CAPN11: variants seen among roughly 807,000 people sequenced by gnomAD.
The protein encoded by CAPN11 is calpain-11.
Under a neutral mutation model 105.3 loss-of-function variants are expected in CAPN11, and 108 were observed. That is an observed-to-expected ratio of 1.03 (90% CI 0.88 to 1.20). CAPN11 has a LOEUF of 1.20. Among genes scored for constraint, CAPN11 ranks in the 50% most tolerant of loss-of-function variants. The pLI is 0.00. For missense variants in CAPN11, 883 were observed against 924.8 expected (o/e 0.95, Z 0.59); for synonymous variants, 329 against 344.5 (o/e 0.96, Z 0.50).
At chr6:44,183,626 T>G in intron 21 of CAPN11, 79 bp from the exon 22 acceptor site, 1 of 1,367,240 alleles carries the variant, frequency 7.3e-7, no homozygotes, top group South Asian at 1.2e-5. Context: ...TGTCGCCCCT[T>G]CCTACCTAGT....
At chr6:44,176,369 T>C in intron 9 of CAPN11, 31 bp downstream of exon 9, 3 of 1,590,458 alleles carry the variant, frequency 1.9e-6, no homozygotes, top group Non-Finnish European at 2.6e-6. Flanking sequence ...TGAGGGGTGG[T>C]CGGAGGATAC....
At chr6:44,169,812 A>T in intron 3 of CAPN11, 94 bp from the exon 4 acceptor site, 3 of 1,016,784 alleles carry the variant, frequency 3.0e-6, no homozygotes, top group Non-Finnish European at 4.5e-6. Context: ...GTTCCCCTGG[A>T]ACTTCAAGGT....
rs1316971122 is a variant in CAPN11, at chr6:44,173,068, T to C, written c.657T>C (p.Tyr219=). The change falls in exon 6 of 23, where the codon TAT becomes TAC. Residue 219 remains tyrosine, a synonymous_variant. Coordinates refer to ENST00000398776, the MANE Select transcript of CAPN11 (RefSeq NM_007058.4). ...EFWSALLEKA[Y]AKLSGSYEAL... ...GGAGTGCCCTGCTGGAGAAGGCGTA[T>C]GCCAAGTGAGTGCTGGGAGCTGAGG... is the stretch of plus-strand genomic sequence containing the variant. 8 of 1,613,202 alleles carry C rather than the reference T, an allele frequency of 5.0e-6. No homozygotes were observed. The highest frequency in any genetic ancestry group is 5.1e-6 in the Non-Finnish European group (6 of 1,179,534).
chr6:44,167,019 G>A (rs1770017773), intron 2 of CAPN11, among the ~76,000 whole-genome samples, 190 bp downstream of exon 2: 1 of 152,022 alleles, frequency 6.6e-6, no homozygotes, highest in South Asian at 2.1e-4. Context: ...GCGGAGGTGT[G>A]GGCAGGATGT....
At chr6:44,182,211 TCACA>T (rs1348488105) in intron 19 of CAPN11, among the ~76,000 whole-genome samples, 23 of 20,872 alleles carry the variant, frequency 1.1e-3, no homozygotes, top group Non-Finnish European at 1.6e-3. Flanking sequence ...CACACCACAC[TCACA>T]CACACACATA....
rs748941341 is a variant in CAPN11, at chr6:44,180,207, G to A, written c.1640+44G>A. The A allele has an allele frequency of 2.9e-6, 4 of 1,398,882 alleles. No homozygotes were observed. The Admixed American group carries it at 5.7e-5, about 20-fold the overall frequency. 86.7% of individuals were successfully genotyped at this position (1,398,882 alleles called of 1,614,324 possible). A position where few individuals can be genotyped will look rare whatever the true frequency, so the allele number is the denominator to read the frequency against. On this transcript the variant is annotated intron_variant, in intron 14 of 22. Transcript: ENST00000398776. ...CTGCTCCAAGGCCCGCCACCCAAGA[G>A]CTGCAGGATATCAAGCTCAGGGAGC...
At chr6:44,166,257 G>C (rs959400681) in intron 1 of CAPN11, among the ~76,000 whole-genome samples, 1 of 152,180 alleles carries the variant, frequency 6.6e-6, no homozygotes, top group Non-Finnish European at 1.5e-5. Context: ...CCTTCAGGCT[G>C]AGGAGAAACA....
Position 44,183,964 on chromosome 6 carries a change from G to C in CAPN11, c.*32G>C. 1 of 1,531,780 alleles carries C rather than the reference G, an allele frequency of 6.5e-7. No homozygotes were observed. Among genetic ancestry groups the C allele is most frequent in the Non-Finnish European group, 8.8e-7 (1 of 1,130,236 alleles). 94.9% of individuals were successfully genotyped at this position (1,531,780 alleles called of 1,614,324 possible). ...TGTAGGAGCCTGGTCATCTCTACCAGCAGCAGCAGCAGCGAGGTTCTAGCC... is the reference window on the plus strand; with the variant it reads ...TGTAGGAGCCTGGTCATCTCTACCACCAGCAGCAGCAGCGAGGTTCTAGCC... On this transcript the variant is annotated 3_prime_UTR_variant, in exon 23 of 23. Transcript: ENST00000398776.
Position 44,181,338 on chromosome 6 carries a change from G to A in CAPN11, c.1938+18G>A. The A allele has an allele frequency of 6.2e-7, 1 of 1,608,978 alleles. No individual in the cohort carries two copies. Among genetic ancestry groups the A allele is most frequent in the Non-Finnish European group, 8.5e-7 (1 of 1,176,822 alleles). On this transcript the variant is annotated intron_variant, in intron 19 of 22. Transcript: ENST00000398776. ...AATGGATGGTAAAGGGCACTAAAGG[G>A]GCAGCCTCCAGGGGTGAGGAAAAGA... is the stretch of plus-strand genomic sequence containing the variant.
At position 44,172,307 on chromosome 6, in the gene CAPN11, T is replaced by A. The variant is rs959797247; in HGVS notation, c.415T>A (p.Cys139Ser). The change falls in exon 5 of 23, where the codon TGC becomes AGC. Residue 139 changes from cysteine (C) to serine (S), a missense_variant. By Grantham distance (112) the Cys-to-Ser change is moderately radical (BLOSUM62 -1). Transcript: ENST00000398776. Reference protein sequence around the residue: ...TDICQGILGDCWLLAAIGSLT... With the variant: ...TDICQGILGDSWLLAAIGSLT... Reference sequence around the variant, plus strand: ...AGCCCTGCCTGTCTTTCCAGGGGACTGCTGGCTGCTGGCTGCCATCGGCTC... The same window carrying A: ...AGCCCTGCCTGTCTTTCCAGGGGACAGCTGGCTGCTGGCTGCCATCGGCTC... 11 of 1,551,538 alleles carry A rather than the reference T, an allele frequency of 7.1e-6. No homozygotes were observed. The highest frequency in any genetic ancestry group is 9.6e-6 in the Non-Finnish European group (11 of 1,147,646).
chr6:44,167,240 T>C (rs1225181892), intron 2 of CAPN11, among the ~76,000 whole-genome samples: 1 of 152,060 alleles, frequency 6.6e-6, no homozygotes, highest in African/African-American at 2.4e-5. Context: ...GGCTCATGAC[T>C]GTAATCCCAG....
intron 14 of CAPN11, 104 bp downstream of exon 14, chr6:44,180,267 TAC>T (rs1205748243): frequency 4.1e-6 from 4 of 970,956 alleles, no homozygotes; most frequent in Non-Finnish European, 6.3e-6. Flanking sequence ...GTCCCTATTT[TAC>T]AGTCAGGGAA....
rs1773041832 is a variant in CAPN11 at position 44,180,993 on chromosome 6, T to C, written c.1865T>C (p.Met622Thr). ...GCTTGCCGCTGCATGATCAACCTCATGGATGTATCCTCCTGTCCAGTGCTC... is the reference window on the plus strand; with the variant it reads ...GCTTGCCGCTGCATGATCAACCTCACGGATGTATCCTCCTGTCCAGTGCTC... ...LDACRCMINL[M>T]DKDGSGKLGL... is the part of the protein sequence containing the mutation. The change falls in exon 18 of 23, where the codon ATG becomes ACG. Residue 622 changes from methionine to threonine, a missense_variant. By Grantham distance (81) the Met-to-Thr change is moderately conservative (BLOSUM62 -1). Coordinates refer to ENST00000398776, the MANE Select transcript of CAPN11 (RefSeq NM_007058.4). 7 of 1,613,052 alleles carry C rather than the reference T, an allele frequency of 4.3e-6. No homozygotes were observed. In the East Asian group the frequency reaches 1.1e-4, roughly 26 times the overall value.
At chr6:44,166,896 C>T (rs188033949) in intron 2 of CAPN11, 67 bp downstream of exon 2, 64 of 1,101,586 alleles carry the variant, frequency 5.8e-5, no homozygotes, top group Non-Finnish European at 7.9e-5. Flanking sequence ...ACTCTCTTCT[C>T]TTCCCCTGGG....
At chr6:44,162,858 G>C (rs1755217377) in intron 1 of CAPN11, among the ~76,000 whole-genome samples, 1 of 152,042 alleles carries the variant, frequency 6.6e-6, no homozygotes, top group Non-Finnish European at 1.5e-5. Flanking sequence ...CATAAAACAT[G>C]CCTAACACGA....
chr6:44,181,492 A>ACACT (rs1561854001), intron 19 of CAPN11, among the ~76,000 whole-genome samples, 172 bp downstream of exon 19: 4 of 40,782 alleles, frequency 9.8e-5, no homozygotes, highest in Admixed American at 2.3e-4. Flanking sequence ...CAACCACACC[A>ACACT]CACACACACA....
chr6:44,168,273 CTT>C (rs199800243), intron 2 of CAPN11, among the ~76,000 whole-genome samples: 1 of 152,010 alleles, frequency 6.6e-6, no homozygotes, highest in East Asian at 1.9e-4. Context: ...GGTTCTTTCT[CTT>C]TTTTTCTTTT....
intron 2 of CAPN11, among the ~76,000 whole-genome samples, chr6:44,167,446 C>T (rs556289047): frequency 2.2e-5 from 3 of 135,132 alleles, no homozygotes; most frequent in South Asian, 2.3e-4. Context: ...TGCAGTGAGC[C>T]GAGATCATGC....
chr6:44,169,562 G>A, intron 3 of CAPN11, 31 bp downstream of exon 3: 2 of 1,514,570 alleles, frequency 1.3e-6, no homozygotes, highest in Non-Finnish European at 1.8e-6. Context: ...ATGGACTCAT[G>A]GATGGAAGGG....
Sources: allele counts gnomAD v4.1 joint callset (sites outside exome capture counted in the v4.1 genomes callset), GRCh38; gene constraint gnomAD v4.1.1; transcripts MANE v1.5; gene names NCBI Gene and HGNC (gene_info 2026-07-23, HGNC 2026-07-21).